The following PCDH15 variants were observed in gnomAD, a reference collection of about 807,000 sequenced individuals.
PCDH15 encodes protocadherin related 15.
In PCDH15, 129 loss-of-function variants were observed where a neutral mutation model predicts 178.5. The observed-to-expected ratio is 0.72, with a 90% CI of 0.63 to 0.84. The LOEUF is 0.84. Among genes scored for constraint, PCDH15 ranks in the 40% least tolerant of loss-of-function variants. The pLI is 0.00. For synonymous variants in PCDH15, 800 were observed against 732.0 expected, an observed-to-expected ratio of 1.09 and a Z score of -1.50; for missense variants, 2,230 against 2,099.9, an observed-to-expected ratio of 1.06 and a Z score of -1.21.
chr10:53,982,799 AC>A (rs1416838572), intron 21 of PCDH15, among the ~76,000 whole-genome samples: 2 of 151,900 alleles, frequency 1.3e-5, no homozygotes, highest in African/African-American at 4.8e-5. Flanking sequence ...GTGCACATGT[AC>A]CCTAAAACTT....
intron 1 of PCDH15, among the ~76,000 whole-genome samples, chr10:54,756,054 AAAACACAC>A (rs749826528): frequency 0.039 from 4,384 of 111,764 alleles, 90 homozygotes; most frequent in East Asian, 0.13. Context: ...GTCTCTACTA[AAAACACAC>A]ACACACACAC....
chr10:55,291,661 T>C (rs1843010742), intron 1 of PCDH15, among the ~76,000 whole-genome samples: 1 of 152,178 alleles, frequency 6.6e-6, no homozygotes, highest in South Asian at 2.1e-4. Flanking sequence ...ACTGACTTCT[T>C]TGAAGTCACA....
At chr10:53,975,734 G>A (rs1304217819) in intron 21 of PCDH15, among the ~76,000 whole-genome samples, 1 of 152,068 alleles carries the variant, frequency 6.6e-6, no homozygotes, top group Non-Finnish European at 1.5e-5. Context: ...TGTTTACTTT[G>A]TTGATAGTCT....
At chr10:54,816,108 A>G (rs1487062651) in intron 3 of PCDH15, among the ~76,000 whole-genome samples, 1 of 152,098 alleles carries the variant, frequency 6.6e-6, no homozygotes, top group African/African-American at 2.4e-5. Flanking sequence ...GCAAATATTT[A>G]CATGTCTCCT....
At chr10:54,251,965 C>T (rs991725018) in intron 8 of PCDH15, among the ~76,000 whole-genome samples, 1 of 151,320 alleles carries the variant, frequency 6.6e-6, no homozygotes, top group Admixed American at 6.6e-5. Context: ...TAAATATATG[C>T]TCCCCCCTGC....
intron 1 of PCDH15, among the ~76,000 whole-genome samples, chr10:54,785,806 C>A (rs1289325451): frequency 6.6e-6 from 1 of 151,846 alleles, no homozygotes; most frequent in Non-Finnish European, 1.5e-5. Flanking sequence ...TTTTAAAAGG[C>A]ATCCTATGCT....
intron 18 of PCDH15, among the ~76,000 whole-genome samples, chr10:54,035,917 T>C (rs1160989485): frequency 1.3e-5 from 2 of 151,854 alleles, no homozygotes; most frequent in African/African-American, 4.8e-5. Flanking sequence ...TAAAACAACC[T>C]GATGTGAAGC....
In PCDH15 at chr10:55,120,466, T is replaced by C. The variant is rs535775419; in HGVS notation, c.-80+46110A>G. ...GACGTAGTGATCTAGAGGGAGTATA[T>C]GAATAAAAAAAATAGAAGCCCCAGG... On this transcript the variant is annotated intron_variant, in intron 2 of 5. Coordinates refer to the PCDH15 transcript ENST00000458638. 7.2e-5 allele frequency among the ~76,000 whole-genome samples: 11 copies of C among 151,944 alleles called. No individual in the cohort carries two copies. In the East Asian group the frequency reaches 2.1e-3, roughly 30 times the overall value.
chr10:54,247,363 C>G (rs1020111745), intron 8 of PCDH15, among the ~76,000 whole-genome samples: 2 of 151,996 alleles, frequency 1.3e-5, no homozygotes, highest in African/African-American at 4.8e-5. Flanking sequence ...TAGGACCAGA[C>G]AGTACATATG....
intron 3 of PCDH15, among the ~76,000 whole-genome samples, chr10:54,475,886 T>TAC (rs2078239987): frequency 6.7e-6 from 1 of 150,100 alleles, no homozygotes; most frequent in African/African-American, 2.4e-5. Flanking sequence ...CTTAACCCAT[T>TAC]ATATATATAT....
intron 29 of PCDH15, among the ~76,000 whole-genome samples, chr10:53,836,978 A>C (rs1418199155): frequency 6.6e-6 from 1 of 152,212 alleles, no homozygotes; most frequent in East Asian, 1.9e-4. Flanking sequence ...AAAAGATAAA[A>C]AGATGAAGAA....
intron 8 of PCDH15, among the ~76,000 whole-genome samples, chr10:54,289,701 A>G (rs910424698): frequency 6.6e-6 from 1 of 152,202 alleles, no homozygotes; most frequent in African/African-American, 2.4e-5. Flanking sequence ...GGAGACCTTA[A>G]ATGAACTGAT....
intron 2 of PCDH15, among the ~76,000 whole-genome samples, chr10:54,614,463 T>C (rs1163188079): frequency 2.6e-5 from 4 of 152,070 alleles, no homozygotes; most frequent in African/African-American, 9.6e-5. Context: ...GGCTTAAAAA[T>C]TAAAGCTTTT....
chr10:54,042,538 C>T (rs1363299997), intron 18 of PCDH15, among the ~76,000 whole-genome samples: 1 of 151,924 alleles, frequency 6.6e-6, no homozygotes, highest in African/African-American at 2.4e-5. Context: ...AGAAAGAGTG[C>T]TCCAGGCAGA....
At chr10:54,561,173 G>A (rs1312503861) in intron 2 of PCDH15, among the ~76,000 whole-genome samples, 1 of 152,030 alleles carries the variant, frequency 6.6e-6, no homozygotes. Flanking sequence ...TGCCTGTTAC[G>A]ACACATCCCC....
chr10:54,238,333 A>G (rs1591355961), intron 8 of PCDH15, among the ~76,000 whole-genome samples: 1 of 152,266 alleles, frequency 6.6e-6, no homozygotes, highest in Admixed American at 6.5e-5. Context: ...GAGCAATGAT[A>G]TTAAAACATT....
intron 3 of PCDH15, among the ~76,000 whole-genome samples, chr10:54,498,680 A>G (rs574869960): frequency 2.0e-5 from 3 of 152,326 alleles, no homozygotes; most frequent in East Asian, 3.9e-4. Flanking sequence ...CAATTATTAA[A>G]AAAAAGATGA....
intron 2 of PCDH15, among the ~76,000 whole-genome samples, chr10:54,914,943 A>G (rs1954875854): frequency 6.6e-6 from 1 of 152,244 alleles, no homozygotes; most frequent in African/African-American, 2.4e-5. Flanking sequence ...AAGCAAAGAT[A>G]CAATCTTATG....
intron 4 of PCDH15, among the ~76,000 whole-genome samples, chr10:54,372,102 C>G (rs1947764614): frequency 6.6e-6 from 1 of 151,858 alleles, no homozygotes; most frequent in African/African-American, 2.4e-5. Context: ...AAATTAAAAA[C>G]AAAATAAATA....
Sources: gnomAD v4.1 joint callset for allele counts (sites outside exome capture counted in the v4.1 genomes callset) on GRCh38, gnomAD v4.1.1 for gene constraint, MANE v1.5 for transcripts, NCBI Gene and HGNC (gene_info 2026-07-23, HGNC 2026-07-21) for gene names.